Variants in KIF16B observed in about 807,000 individuals in gnomAD.
KIF16B encodes the protein kinesin family member 16B, also known as kinesin-like protein KIF16B.
In KIF16B, 98 loss-of-function variants were observed where a neutral mutation model predicts 156.3. That is an observed-to-expected ratio of 0.63 (90% confidence interval 0.53 to 0.74). The LOEUF (loss-of-function observed/expected upper bound fraction) is 0.74, where lower values mean the gene tolerates loss of function less well. Among genes scored for constraint, KIF16B ranks in the 30% least tolerant of loss-of-function variants. KIF16B has a pLI of 0.00. For missense variants in KIF16B, 1,421 were observed against 1,606.5 expected (o/e 0.88, Z 1.97); for synonymous variants, 564 against 583.7 (o/e 0.97, Z 0.49).
At chr20:16,361,229 G>C (rs746131871) in intron 22 of KIF16B, among the ~76,000 whole-genome samples, 1 of 152,108 alleles carries the variant, frequency 6.6e-6, no homozygotes, top group Non-Finnish European at 1.5e-5. Flanking sequence ...TATGTCTCAA[G>C]TACCTATTAT....
chr20:16,409,980 T>TGTAGGTACATATATATATGTAGGTAC (rs1491514946), intron 15 of KIF16B, among the ~76,000 whole-genome samples: 7 of 103,020 alleles, frequency 6.8e-5, no homozygotes, highest in East Asian at 7.9e-4. Flanking sequence ...CATATATATA[T>TGTAGGTACATATATATATGTAGGTAC]ATATATATAT....
chr20:16,384,251 A>G (rs2065173954), intron 17 of KIF16B, among the ~76,000 whole-genome samples: 1 of 152,176 alleles, frequency 6.6e-6, no homozygotes, highest in African/African-American at 2.4e-5. Flanking sequence ...AACAGTCTGT[A>G]AGAGAGATGT....
At chr20:16,431,933 C>CACACAT (rs2066513676) in intron 12 of KIF16B, among the ~76,000 whole-genome samples, 1 of 151,238 alleles carries the variant, frequency 6.6e-6, no homozygotes, top group African/African-American at 2.4e-5. Context: ...CACACACACA[C>CACACAT]ACACACGCAC....
intron 12 of KIF16B, among the ~76,000 whole-genome samples, chr20:16,436,991 C>G (rs1175050291): frequency 2.0e-5 from 3 of 152,280 alleles, no homozygotes; most frequent in Admixed American, 6.5e-5. Flanking sequence ...ATGCTCAAGT[C>G]TCTCACGTAA....
chr20:16,308,799 T>C (rs2063576945), intron 25 of KIF16B, among the ~76,000 whole-genome samples: 1 of 152,256 alleles, frequency 6.6e-6, no homozygotes, highest in African/African-American at 2.4e-5. Flanking sequence ...TTCTAATGGC[T>C]TGACCTAAGT....
At chr20:16,339,883 T>C (rs926861933) in intron 23 of KIF16B, among the ~76,000 whole-genome samples, 1 of 152,212 alleles carries the variant, frequency 6.6e-6, no homozygotes, top group African/African-American at 2.4e-5. Context: ...AGCCTCCTAG[T>C]TGGTCTCCTT....
chr20:16,570,793 C>T (rs1251155680), intron 1 of KIF16B, among the ~76,000 whole-genome samples: 9 of 152,168 alleles, frequency 5.9e-5, no homozygotes, highest in Admixed American at 5.2e-4. Context: ...ATTTGCTGTG[C>T]TGGTTCTCCT....
At chr20:16,487,836 A>T (rs184894726) in intron 12 of KIF16B, among the ~76,000 whole-genome samples, 1 of 152,208 alleles carries the variant, frequency 6.6e-6, no homozygotes, top group African/African-American at 2.4e-5. Flanking sequence ...AGTCATTTAC[A>T]TTAGGATCCC....
At chr20:16,409,328 G>C (rs776945112) in intron 15 of KIF16B, among the ~76,000 whole-genome samples, 7 of 151,978 alleles carry the variant, frequency 4.6e-5, no homozygotes, top group Admixed American at 1.3e-4. Flanking sequence ...ATGTGGCTAT[G>C]GCAAAGGGAA....
At chr20:16,474,902 T>A (rs2067767123) in intron 12 of KIF16B, among the ~76,000 whole-genome samples, 1 of 152,260 alleles carries the variant, frequency 6.6e-6, no homozygotes, top group Non-Finnish European at 1.5e-5. Context: ...TTAACTCTTA[T>A]TAATTAGCAC....
chr20:16,489,132 G>C (rs1009015402), intron 12 of KIF16B, among the ~76,000 whole-genome samples: 1 of 152,220 alleles, frequency 6.6e-6, no homozygotes, highest in Non-Finnish European at 1.5e-5. Context: ...GCAAAGGCAT[G>C]AGGGAGTATT....
At chr20:16,508,803 A>G (rs1347354990) in intron 6 of KIF16B, among the ~76,000 whole-genome samples, 6 of 152,244 alleles carry the variant, frequency 3.9e-5, no homozygotes, top group African/African-American at 1.4e-4. Context: ...GTCATAGCAC[A>G]TACAAGAAAA....
At chr20:16,475,216 A>G (rs747030930) in intron 12 of KIF16B, among the ~76,000 whole-genome samples, 2 of 152,316 alleles carry the variant, frequency 1.3e-5, no homozygotes, top group South Asian at 4.1e-4. Context: ...CACTGACATA[A>G]GAGTATTTAG....
At position 16,548,659 on chromosome 20, in the gene KIF16B, TC is replaced by T. The variant is rs565142805; in HGVS notation, c.48-20220del. Among the ~76,000 whole-genome samples, 89 of 152,288 alleles carry T rather than the reference TC, an allele frequency of 5.8e-4. 1 individual carries two copies. In the South Asian group the frequency reaches 0.011, roughly 18 times the overall value. On this transcript the variant is annotated intron_variant, in intron 1 of 25. Coordinates refer to ENST00000354981, the MANE Select transcript of KIF16B (RefSeq NM_024704.5). ...GAGTGGGCACATTGCAAAACCATCC[TC>T]ACCACTGTGCCCTGTCCATGGAAAA...
At chr20:16,511,033 G>T (rs944356866) in intron 6 of KIF16B, among the ~76,000 whole-genome samples, 3 of 152,294 alleles carry the variant, frequency 2.0e-5, no homozygotes, top group South Asian at 4.1e-4. Context: ...ACACACTTCC[G>T]AAGACGCAAG....
At chr20:16,402,949 G>GA (rs1173976293) in intron 17 of KIF16B, among the ~76,000 whole-genome samples, 1 of 152,154 alleles carries the variant, frequency 6.6e-6, no homozygotes. Context: ...GTTTTAGGGA[G>GA]AAAAAAGAAA....
intron 25 of KIF16B, among the ~76,000 whole-genome samples, chr20:16,297,062 G>A (rs974885011): frequency 6.6e-6 from 1 of 152,208 alleles, no homozygotes; most frequent in African/African-American, 2.4e-5. Context: ...ACTTGAGCCT[G>A]CTGGCTTTCA....
At chr20:16,534,239 A>G (rs1207941319) in intron 1 of KIF16B, among the ~76,000 whole-genome samples, 8 of 150,892 alleles carry the variant, frequency 5.3e-5, no homozygotes, top group East Asian at 1.9e-4. Flanking sequence ...TAGGTGAAAG[A>G]GCAAAGCTCT....
At position 16,312,236 on chromosome 20, in the gene KIF16B, C is replaced by T. The variant is rs1171303883; in HGVS notation, c.3795+99G>A. 37 of 807,106 alleles carry T rather than the reference C, an allele frequency of 4.6e-5. No homozygotes were observed. In the South Asian group the frequency reaches 5.2e-4, roughly 11 times the overall value. The allele number at this position is 807,106 out of a possible 1,614,324, so 50.0% of individuals were successfully genotyped here. On this transcript the variant is annotated intron_variant, in intron 25 of 25. Coordinates refer to ENST00000354981, the MANE Select transcript of KIF16B (RefSeq NM_024704.5). ...GTGTTAATGAGGCAGCATCTTCACA[C>T]TTGTGAAGAAATTTAATAGTATTTA...
Sources: gnomAD v4.1 joint callset for allele counts (sites outside exome capture counted in the v4.1 genomes callset) on GRCh38, gnomAD v4.1.1 for gene constraint, MANE v1.5 for transcripts, NCBI Gene and HGNC (gene_info 2026-07-23, HGNC 2026-07-21) for gene names.